Variants in TACC2 observed in about 807,000 individuals in gnomAD.
TACC2 encodes the protein transforming acidic coiled-coil containing protein 2, also known as transforming acidic coiled-coil-containing protein 2.
TACC2 carries 137 observed loss-of-function variants against 227.3 expected under a neutral mutation model. The observed-to-expected ratio is 0.60, with a 90% CI of 0.52 to 0.69. The LOEUF (loss-of-function observed/expected upper bound fraction) is 0.69. Among genes scored for constraint, TACC2 ranks in the 30% least tolerant of loss-of-function variants. The pLI is 0.00. For missense variants in TACC2, 3,470 were observed against 3,694.4 expected (o/e 0.94, Z 1.57); for synonymous variants, 1,523 against 1,487.5 (o/e 1.02, Z -0.55).
intron 12 of TACC2, 87 bp downstream of exon 12, chr10:122,224,874 T>G: frequency 1.8e-6 from 2 of 1,099,482 alleles, no homozygotes; most frequent in East Asian, 2.4e-5. Flanking sequence ...CTCTGGGAGC[T>G]CAGACCCCAA....
At chr10:122,079,613 A>G (rs758394232) in intron 3 of TACC2, among the ~76,000 whole-genome samples, 9 of 152,230 alleles carry the variant, frequency 5.9e-5, no homozygotes, top group African/African-American at 9.6e-5. Flanking sequence ...AGGGATGTCA[A>G]ATGACGCCGC....
intron 5 of TACC2, among the ~76,000 whole-genome samples, chr10:122,099,719 T>TAA (rs145391530): frequency 0.039 from 5,931 of 152,272 alleles, 211 homozygotes; most frequent in African/African-American, 0.091. Context: ...GGCTACAGCT[T>TAA]AACTCAGCTT....
intron 3 of TACC2, among the ~76,000 whole-genome samples, chr10:122,073,789 A>G (rs1428860365): frequency 1.3e-5 from 2 of 150,382 alleles, no homozygotes; most frequent in Non-Finnish European, 3.0e-5. Context: ...TTTTTTTTTT[A>G]TGTTTTTTGA....
At chr10:122,092,379 G>A (rs964161637) in intron 5 of TACC2, among the ~76,000 whole-genome samples, 8 of 152,074 alleles carry the variant, frequency 5.3e-5, no homozygotes, top group Non-Finnish European at 1.0e-4. Context: ...ACTGTTTCAA[G>A]TTACCTCCAG....
rs79992692 is a variant in TACC2, at chr10:122,193,250, G to C, written c.5835-1790G>C. On this transcript the variant is annotated intron_variant, in intron 7 of 22. Coordinates refer to ENST00000369005, the MANE Select transcript of TACC2 (RefSeq NM_206862.4). ...TGGTTGGAGGAGCCAAGGTCCTTGG[G>C]GGGTGGAGGGGCAAGGGTGCTGATG... Among the ~76,000 whole-genome samples, 2,265 of 152,290 alleles carry C rather than the reference G, an allele frequency of 0.015. 153 individuals are homozygous for C. In the East Asian group the frequency reaches 0.24, roughly 16 times the overall value.
chr10:122,112,082 A>G (rs74447821), intron 5 of TACC2, among the ~76,000 whole-genome samples: 5,071 of 152,264 alleles, frequency 0.033, 123 homozygotes, highest in Non-Finnish European at 0.048. Flanking sequence ...AAGAGGAGGA[A>G]AGGAAGTGCT....
chr10:122,237,879 CT>C, intron 17 of TACC2, 81 bp from the exon 18 acceptor site: 1 of 1,008,946 alleles, frequency 9.9e-7, no homozygotes, highest in South Asian at 1.5e-5. Flanking sequence ...TATTCACCGT[CT>C]CCTTTTCTTG....
intron 7 of TACC2, among the ~76,000 whole-genome samples, chr10:122,167,466 G>A (rs1000272672): frequency 6.6e-6 from 1 of 152,240 alleles, no homozygotes. Flanking sequence ...GCTAGTTCGG[G>A]GAAGTTGATG....
chr10:122,210,264 C>T lies in TACC2; in HGVS notation c.5972-133C>T. The T allele has an allele frequency of 5.6e-6, 4 of 719,480 alleles. No individual in the cohort carries two copies. Among genetic ancestry groups the T allele is most frequent in the Non-Finnish European group, 9.8e-6 (4 of 407,462 alleles). The allele number at this position is 719,480 out of a possible 1,614,324, so 44.6% of individuals were successfully genotyped here. A position where few individuals can be genotyped will look rare whatever the true frequency, so the allele number is the denominator to read the frequency against. The stretch of plus-strand genomic sequence containing the variant: ...AGGTTCTGTACCCAAGTAGTACACA[C>T]AGTGATGGGCGGGGTGGCCTGGGGC... On this transcript the variant is annotated intron_variant, in intron 8 of 22. Coordinates refer to ENST00000369005, the MANE Select transcript of TACC2 (RefSeq NM_206862.4). The surrounding 1 kb of genome is among the most constrained non-coding windows in gnomAD (Gnocchi z 4.6).
chr10:122,140,462 C>T (rs1334589763), intron 6 of TACC2, among the ~76,000 whole-genome samples: 1 of 152,216 alleles, frequency 6.6e-6, no homozygotes, highest in East Asian at 1.9e-4. Context: ...TTGGAAAACA[C>T]TGATTAACTC....
rs1245863074 is a variant in TACC2 at position 122,084,933 on chromosome 10, A to G, written c.2433A>G (p.Glu811=). The G allele has an allele frequency of 2.5e-6, 4 of 1,614,160 alleles. No homozygotes were observed. The highest frequency in any genetic ancestry group is 2.2e-5 in the South Asian group (2 of 91,080). Residue 811 remains glutamate, a synonymous_variant, in exon 4 of 23, where the codon GAA becomes GAG. Coordinates refer to ENST00000369005, the MANE Select transcript of TACC2 (RefSeq NM_206862.4). The part of the protein sequence containing the change: ...DQQGIPSCPG[E]GWIRGAASEW... ...AGGGAATCCCATCCTGCCCAGGGGAAGGCTGGATAAGAGGAGCTGCATCCG... is the reference window on the plus strand; with the variant it reads ...AGGGAATCCCATCCTGCCCAGGGGAGGGCTGGATAAGAGGAGCTGCATCCG...
chr10:122,171,800 A>G (rs1236991882), intron 7 of TACC2, among the ~76,000 whole-genome samples: 1 of 152,220 alleles, frequency 6.6e-6, no homozygotes, highest in Admixed American at 6.5e-5. Flanking sequence ...AGGAAATGCA[A>G]TGGATGGTTA....
In TACC2 at chr10:122,210,210, C is replaced by A. The variant is rs570998476; in HGVS notation, c.5972-187C>A. ...TGAGGGAACTCTGGGCGAACCTGGCCTGGGTCTTGAGCTAATTACGGGTAG... is the reference window on the plus strand; with the variant it reads ...TGAGGGAACTCTGGGCGAACCTGGCATGGGTCTTGAGCTAATTACGGGTAG... On this transcript the variant is annotated intron_variant, in intron 8 of 22. Coordinates refer to ENST00000369005, the MANE Select transcript of TACC2 (RefSeq NM_206862.4). The surrounding 1 kb of genome is among the most constrained non-coding windows in gnomAD (Gnocchi z 4.6). 1 of 620,762 alleles carries A rather than the reference C, an allele frequency of 1.6e-6. No individual in the cohort carries two copies. Among genetic ancestry groups the A allele is most frequent in the Non-Finnish European group, 2.9e-6 (1 of 339,438 alleles). The allele number at this position is 620,762 out of a possible 1,614,324, so 38.5% of individuals were successfully genotyped here.
intron 1 of TACC2, among the ~76,000 whole-genome samples, chr10:122,010,484 A>G (rs1264159027): frequency 2.0e-5 from 3 of 152,174 alleles, no homozygotes; most frequent in Non-Finnish European, 2.9e-5. Flanking sequence ...TTTACTGCAA[A>G]TCATGTTTCC....
chr10:122,167,308 T>C lies in TACC2; in HGVS notation c.5834+23602T>C, dbSNP rs577673565. 2.5e-4 allele frequency among the ~76,000 whole-genome samples: 38 copies of C among 152,158 alleles called. No individual in the cohort carries two copies. In the Middle Eastern group the frequency reaches 0.024, roughly 95 times the overall value. Reference sequence around the variant, plus strand: ...GCCAGGGTGGATGGGAGAGAAGCGATGGAGGAGGAAGCAACAGGCTCTGTG... The same window carrying C: ...GCCAGGGTGGATGGGAGAGAAGCGACGGAGGAGGAAGCAACAGGCTCTGTG... On this transcript the variant is annotated intron_variant, in intron 7 of 22. Coordinates refer to ENST00000369005, the MANE Select transcript of TACC2 (RefSeq NM_206862.4).
At chr10:122,115,364 G>T (rs2084493135) in intron 5 of TACC2, among the ~76,000 whole-genome samples, 1 of 152,218 alleles carries the variant, frequency 6.6e-6, no homozygotes, top group African/African-American at 2.4e-5. Context: ...TGTGGTGAAG[G>T]ATAATGCCCC....
Position 122,226,365 on chromosome 10 carries a change from G to A in TACC2, c.7609-1G>A, listed in dbSNP as rs755051734. The A allele has an allele frequency of 1.9e-6, 3 of 1,612,092 alleles. No homozygotes were observed. Among genetic ancestry groups the A allele is most frequent in the Admixed American group, 1.7e-5 (1 of 59,992 alleles). On this transcript the variant is annotated splice_acceptor_variant, in intron 12 of 22. Transcript: ENST00000369005. LOFTEE classifies it high-confidence loss of function. ...CTGATATGTGATTTTGATCCCTGCA[G>A]CAGGACGACGATGCCCCGAAGAAGC... is the stretch of plus-strand genomic sequence containing the variant.
intron 1 of TACC2, among the ~76,000 whole-genome samples, chr10:121,993,535 T>G (rs2134866003): frequency 6.6e-6 from 1 of 152,318 alleles, no homozygotes; most frequent in East Asian, 1.9e-4. Flanking sequence ...GCACATTGTA[T>G]GGTTAGGTTT....
At chr10:122,115,134 T>C (rs10788245) in intron 5 of TACC2, among the ~76,000 whole-genome samples, 113,699 of 152,176 alleles carry the variant, frequency 0.75, 44,801 homozygotes, top group East Asian at 0.93. Flanking sequence ...TTTGATGCTT[T>C]TATGGAGACA....
Sources: gnomAD v4.1 joint callset for allele counts (sites outside exome capture counted in the v4.1 genomes callset) on GRCh38, gnomAD v4.1.1 for gene constraint, Gnocchi (gnomAD v3.1) non-coding constraint, MANE v1.5 for transcripts, NCBI Gene and HGNC (gene_info 2026-07-23, HGNC 2026-07-21) for gene names.